The following TMEM132C variants were observed in gnomAD, a reference collection of about 807,000 sequenced individuals.
TMEM132C encodes transmembrane protein 132C, also known as protein phosphatase 1, regulatory subunit 152.
In TMEM132C, 29 loss-of-function variants were observed where a neutral mutation model predicts 61.4. The ratio of observed to expected loss-of-function variants is 0.47; its 90% confidence interval spans 0.35 to 0.64. TMEM132C has a LOEUF of 0.64. Among genes scored for constraint, TMEM132C ranks in the 30% least tolerant of loss-of-function variants. The probability of loss-of-function intolerance (pLI) is 0.00; values close to 1 mark genes in which losing one functional copy is unlikely to be tolerated. For missense variants in TMEM132C, 1,408 were observed against 1,476.9 expected (o/e 0.95, Z 0.76); for synonymous variants, 656 against 633.1 (o/e 1.04, Z -0.54).
intron 2 of TMEM132C, among the ~76,000 whole-genome samples, chr12:128,426,508 C>A (rs1869188207): frequency 6.6e-6 from 1 of 152,184 alleles, no homozygotes; most frequent in Admixed American, 6.5e-5. Flanking sequence ...ATTCAGAGAA[C>A]TCTGGAAACT....
chr12:128,457,322 A>T (rs1870379373), intron 2 of TMEM132C, among the ~76,000 whole-genome samples: 1 of 151,158 alleles, frequency 6.6e-6, no homozygotes, highest in African/African-American at 2.4e-5. Context: ...AAAAAAAAAA[A>T]CAGCGCTTTG....
chr12:128,426,626 A>G (rs947438829), intron 2 of TMEM132C, among the ~76,000 whole-genome samples: 9 of 152,200 alleles, frequency 5.9e-5, no homozygotes, highest in African/African-American at 2.2e-4. Context: ...TTCTTCTGGA[A>G]CAGAGAAAAG....
intron 2 of TMEM132C, among the ~76,000 whole-genome samples, chr12:128,425,249 AC>A (rs2136031213): frequency 6.6e-6 from 1 of 152,316 alleles, no homozygotes; most frequent in South Asian, 2.1e-4. Flanking sequence ...CCACCTGCAC[AC>A]CGCGGCCAGC....
intron 1 of TMEM132C, among the ~76,000 whole-genome samples, chr12:128,301,341 G>A (rs116786161): frequency 6.6e-6 from 1 of 152,240 alleles, no homozygotes; most frequent in African/African-American, 2.4e-5. Flanking sequence ...CTGTGTTCAG[G>A]CCTCCCCAGT....
chr12:128,375,332 CAA>C (rs1874160628), intron 1 of TMEM132C, among the ~76,000 whole-genome samples: 1 of 152,072 alleles, frequency 6.6e-6, no homozygotes, highest in Non-Finnish European at 1.5e-5. Context: ...TGGCATGAAA[CAA>C]AAGACATTTC....
intron 2 of TMEM132C, among the ~76,000 whole-genome samples, chr12:128,437,011 C>T (rs956486285): frequency 2.0e-5 from 3 of 152,152 alleles, no homozygotes; most frequent in African/African-American, 7.2e-5. Context: ...ATGGATGAAG[C>T]TGGAAACCAT....
intron 3 of TMEM132C, among the ~76,000 whole-genome samples, chr12:128,546,244 T>G (rs1426337510): frequency 6.6e-6 from 1 of 152,186 alleles, no homozygotes; most frequent in African/African-American, 2.4e-5. Flanking sequence ...TATGAGTCCC[T>G]TGTTCCAAGC....
At chr12:128,534,505 G>T (rs1175690826) in intron 2 of TMEM132C, among the ~76,000 whole-genome samples, 2 of 152,218 alleles carry the variant, frequency 1.3e-5, no homozygotes, top group African/African-American at 2.4e-5. Flanking sequence ...AGAAAGAAAA[G>T]CACACCTGCC....
At chr12:128,304,613 AAAAGAAAG>A (rs200307720) in intron 1 of TMEM132C, among the ~76,000 whole-genome samples, 11 of 150,512 alleles carry the variant, frequency 7.3e-5, no homozygotes, top group Admixed American at 4.6e-4. Context: ...CGTCTCAAAA[AAAAGAAAG>A]AAAGAAAGAA....
intron 4 of TMEM132C, among the ~76,000 whole-genome samples, chr12:128,627,445 A>T (rs997074544): frequency 1.3e-5 from 2 of 151,048 alleles, no homozygotes; most frequent in African/African-American, 4.9e-5. Context: ...TCCCCCAACC[A>T]CCCCAGTCTG....
intron 2 of TMEM132C, among the ~76,000 whole-genome samples, chr12:128,479,268 G>A (rs1382441092): frequency 1.3e-5 from 2 of 152,120 alleles, no homozygotes; most frequent in African/African-American, 4.8e-5. Context: ...TACTAGGCTC[G>A]ATACCTGGGT....
intron 1 of TMEM132C, among the ~76,000 whole-genome samples, chr12:128,403,274 G>A (rs188576276): frequency 7.6e-4 from 116 of 152,308 alleles, no homozygotes; most frequent in Non-Finnish European, 1.5e-3. Context: ...GTAAGCTGCA[G>A]TGACTTGGAA....
intron 3 of TMEM132C, among the ~76,000 whole-genome samples, chr12:128,564,136 C>G (rs1460283053): frequency 6.6e-6 from 1 of 152,202 alleles, no homozygotes; most frequent in Non-Finnish European, 1.5e-5. Flanking sequence ...AGAGAGCATT[C>G]CGGGCTCTTT....
At chr12:128,524,317 G>A (rs1193687329) in intron 2 of TMEM132C, among the ~76,000 whole-genome samples, 1 of 152,132 alleles carries the variant, frequency 6.6e-6, no homozygotes, top group African/African-American at 2.4e-5. Flanking sequence ...AAACACTAAC[G>A]GTGGCATAAA....
At chr12:128,309,269 T>C (rs1465979402) in intron 1 of TMEM132C, among the ~76,000 whole-genome samples, 3 of 152,244 alleles carry the variant, frequency 2.0e-5, no homozygotes, top group Admixed American at 1.3e-4. Context: ...CTTAGCTCTA[T>C]GACACTTGGC....
intron 2 of TMEM132C, among the ~76,000 whole-genome samples, chr12:128,536,095 T>C (rs1235825828): frequency 6.6e-6 from 1 of 152,192 alleles, no homozygotes; most frequent in Non-Finnish European, 1.5e-5. Flanking sequence ...TGCATACATA[T>C]GTTTATTGCA....
rs530042194 is a variant in TMEM132C, at chr12:128,620,640, C to A, written c.1305+4305C>A. Among the ~76,000 whole-genome samples the A allele has an allele frequency of 3.7e-3, 558 of 152,238 alleles. 3 individuals carry two copies. Among genetic ancestry groups the A allele is most frequent in the Non-Finnish European group, 4.8e-3 (329 of 68,016 alleles). On this transcript the variant is annotated intron_variant, in intron 4 of 8. Transcript: ENST00000435159. ...GGTGTAGGAAGAAGTTCTTTGCCCC[C>A]GGGACTGATATATTTAGTCTGAAAT...
At chr12:128,392,050 CTGTCTCTCTCTCTT>C (rs753517633) in intron 1 of TMEM132C, among the ~76,000 whole-genome samples, 2 of 125,294 alleles carry the variant, frequency 1.6e-5, no homozygotes, top group African/African-American at 6.6e-5. Context: ...CTCTCTGTCT[CTGTCTCTCTCTCTT>C]TCTCTCTCTC....
At position 128,705,875 on chromosome 12, in the gene TMEM132C, C is replaced by T. The variant is rs774122401; in HGVS notation, c.2907C>T (p.His969=). Residue 969 remains histidine (H), a synonymous_variant, in exon 9 of 9, where the codon CAC becomes CAT. Coordinates refer to ENST00000435159, the MANE Select transcript of TMEM132C (RefSeq NM_001136103.3). ...LEGQASMTHS[H]DWVWLGNEAE... is the part of the protein sequence containing the mutation. ...GTCAGGCCTCCATGACCCACTCTCA[C>T]GACTGGGTGTGGCTTGGCAATGAGG... 2.3e-5 allele frequency: 35 copies of T among 1,551,520 alleles called. No individual in the cohort carries two copies. The highest frequency in any genetic ancestry group is 1.7e-4 in the Middle Eastern group (1 of 6,014).
Sources: gnomAD v4.1 joint callset for allele counts (sites outside exome capture counted in the v4.1 genomes callset) on GRCh38, gnomAD v4.1.1 for gene constraint, MANE v1.5 for transcripts, NCBI Gene and HGNC (gene_info 2026-07-23, HGNC 2026-07-21) for gene names.